Variants in WSCD1 observed in about 807,000 individuals in gnomAD.
WSCD1 encodes the protein sialate:O-sulfotransferase 1.
In WSCD1, 41 loss-of-function variants were observed where a neutral mutation model predicts 60.4. The ratio of observed to expected loss-of-function variants is 0.68; its 90% CI spans 0.53 to 0.88. The LOEUF (loss-of-function observed/expected upper bound fraction) is 0.88. WSCD1 is among the 40% of genes least tolerant of loss of function. The pLI, the probability that WSCD1 is intolerant of heterozygous loss-of-function variation, is 0.00. For missense variants in WSCD1, 784 were observed against 796.2 expected (o/e 0.98, Z 0.18); for synonymous variants, 361 against 332.5 (o/e 1.09, Z -0.93).
chr17:6,074,412 A>G (rs1908722713), intron 1 of WSCD1, among the ~76,000 whole-genome samples: 1 of 152,246 alleles, frequency 6.6e-6, no homozygotes, highest in South Asian at 2.1e-4. Context: ...AAGGATGTCC[A>G]GTCCAGCAGG....
In WSCD1 at chr17:6,097,982, G is replaced by A. The variant is rs185101074; in HGVS notation, c.849+2759G>A. ...TTTTTTTTTTTTGAGACAGTGTTCC[G>A]CTCTGATGCCCAGGTTGGAGTGCAG... On this transcript the variant is annotated intron_variant, in intron 5 of 8. Coordinates refer to ENST00000317744, the MANE Select transcript of WSCD1 (RefSeq NM_015253.2). Among the ~76,000 whole-genome samples the A allele has an allele frequency of 3.2e-3, 471 of 147,800 alleles. 2 individuals are homozygous for A. The highest frequency in any genetic ancestry group is 5.8e-3 in the Admixed American group (86 of 14,754).
At position 6,084,521 on chromosome 17, in the gene WSCD1, G is replaced by A. The variant is rs147321449; in HGVS notation, c.427+3436G>A. On this transcript the variant is annotated intron_variant, in intron 2 of 8. Transcript: ENST00000317744. ...CTCCTGAAAGGGGATCCTGTAAGGC[G>A]CGGAAGCTGCAGGAGGCTCCATCAA... Among the ~76,000 whole-genome samples the A allele has an allele frequency of 2.8e-3, 426 of 152,368 alleles. 1 individual carries two copies. Among genetic ancestry groups the A allele is most frequent in the Non-Finnish European group, 4.5e-3 (304 of 68,044 alleles).
rs759488788 is a variant in WSCD1 at position 6,109,735 on chromosome 17, A to C, written c.978A>C (p.Glu326Asp). The C allele has an allele frequency of 1.7e-5, 27 of 1,613,978 alleles. No homozygotes were observed. The highest frequency in any genetic ancestry group is 1.9e-5 in the Non-Finnish European group (23 of 1,179,986). ...GQDPEAQRLA[E>D]YCEVYQTPVQ... ...ACCCTGAGGCACAGAGGCTGGCAGA[A>C]TACTGTGAGGTCTACCAGACACCTG... The change falls in exon 6 of 9, where the codon GAA (glutamate) becomes GAC (aspartate). Residue 326 changes from glutamate to aspartate, a missense_variant. Transcript: ENST00000317744.
At chr17:6,088,685 C>G (rs1909817494) in intron 3 of WSCD1, among the ~76,000 whole-genome samples, 1 of 116,602 alleles carries the variant, frequency 8.6e-6, no homozygotes, top group Non-Finnish European at 1.9e-5. Flanking sequence ...GACTGTGTGT[C>G]TGTGTGTGCT....
rs930872643 is a variant in WSCD1 at position 6,094,589 on chromosome 17, GAGGAAGGAAGGA to G, written c.728-504_728-493del. On this transcript the variant is annotated intron_variant, in intron 4 of 8. Coordinates refer to ENST00000317744, the MANE Select transcript of WSCD1 (RefSeq NM_015253.2). ...GAAGGAAAAGGAAGGAGAAGGAAGGGAGGAAGGAAGGAAGGAAGGAGAAGGAAGGAAGGAAGG... is the reference window on the plus strand; with the variant it reads ...GAAGGAAAAGGAAGGAGAAGGAAGGGAGGAAGGAGAAGGAAGGAAGGAAGG... Among the ~76,000 whole-genome samples the G allele has an allele frequency of 5.3e-5, 7 of 131,712 alleles. No homozygotes were observed. The Admixed American group carries it at 5.6e-4, about 11-fold the overall frequency. The allele number at this position is 131,712 out of a possible 152,430, so 86.4% of individuals were successfully genotyped here.
chr17:6,088,140 G>T, intron 3 of WSCD1, 36 bp downstream of exon 3: 1 of 1,581,474 alleles, frequency 6.3e-7, no homozygotes, highest in Non-Finnish European at 8.7e-7. Context: ...GATTCTAGAG[G>T]CAGGAAGGTC....
In WSCD1 at chr17:6,081,095, C is replaced by A. The variant is rs958758098; in HGVS notation, c.427+10C>A. ...GCCATCCACAGCCGAGGTAGGCGCT[C>A]AGCTGCATTTGGGGGAGCTGTTCCC... On this transcript the variant is annotated intron_variant, in intron 2 of 8. Coordinates refer to ENST00000317744, the MANE Select transcript of WSCD1 (RefSeq NM_015253.2). The A allele has an allele frequency of 6.5e-7, 1 of 1,530,754 alleles. No individual in the cohort carries two copies. Among genetic ancestry groups the A allele is most frequent in the Non-Finnish European group, 8.8e-7 (1 of 1,141,226 alleles). The allele number at this position is 1,530,754 out of a possible 1,614,324, so 94.8% of individuals were successfully genotyped here. A position where few individuals can be genotyped will look rare whatever the true frequency, so the allele number is the denominator to read the frequency against.
At chr17:6,078,561 G>GGTGT (rs67928797) in intron 1 of WSCD1, among the ~76,000 whole-genome samples, 1 of 150,304 alleles carries the variant, frequency 6.7e-6, no homozygotes, top group Non-Finnish European at 1.5e-5. Flanking sequence ...GAATGTGGAG[G>GGTGT]GTGTGTGTGT....
intron 5 of WSCD1, among the ~76,000 whole-genome samples, chr17:6,096,562 G>A (rs1910446614): frequency 6.6e-6 from 1 of 152,226 alleles, no homozygotes; most frequent in Non-Finnish European, 1.5e-5. Context: ...CAGCATTTCC[G>A]AAGCCACAGC....
chr17:6,105,817 T>A (rs1199801788), intron 5 of WSCD1, among the ~76,000 whole-genome samples: 1 of 152,036 alleles, frequency 6.6e-6, no homozygotes, highest in African/African-American at 2.4e-5. Flanking sequence ...TGCTGGTGGA[T>A]TTTTTTTCCT....
At chr17:6,099,268 G>A (rs549203991) in intron 5 of WSCD1, among the ~76,000 whole-genome samples, 4 of 152,122 alleles carry the variant, frequency 2.6e-5, no homozygotes, top group Non-Finnish European at 5.9e-5. Flanking sequence ...TGTAATCCCT[G>A]CACTTTGGGA....
Position 6,090,406 on chromosome 17 carries a change from T to A in WSCD1, c.628T>A (p.Cys210Ser). ...LPAVSVGLEE[C>S]NHECKGEKGS... The stretch of plus-strand genomic sequence containing the variant: ...AGCGGTGAGCGTGGGGCTGGAAGAG[T>A]GTAACCATGAGTGCAAAGGCGAGAA... The change falls in exon 4 of 9, where the codon TGT (cysteine) becomes AGT (serine). Residue 210 changes from cysteine to serine, a missense_variant. Cys to Ser is a moderately radical substitution (Grantham distance 112, BLOSUM62 -1). Coordinates refer to ENST00000317744, the MANE Select transcript of WSCD1 (RefSeq NM_015253.2). 1 of 1,610,600 alleles carries A rather than the reference T, an allele frequency of 6.2e-7. No individual in the cohort carries two copies. Among genetic ancestry groups the A allele is most frequent in the East Asian group, 2.2e-5 (1 of 44,552 alleles).
At position 6,122,684 on chromosome 17, in the gene WSCD1, A is replaced by G. The variant is rs978170297; in HGVS notation, c.*2023A>G. 4.6e-5 allele frequency: 7 copies of G among 152,448 alleles called. No individual in the cohort carries two copies. Among genetic ancestry groups the G allele is most frequent in the African/African-American group, 1.7e-4 (7 of 41,418 alleles). The allele number at this position is 152,448 out of a possible 1,614,324, so 9.4% of individuals were successfully genotyped here. ...AAGTGTGGAGAGAGGAGTGACCGGGACTGGAGCCAGGGTCTGGGGAGAGCA... is the reference window on the plus strand; with the variant it reads ...AAGTGTGGAGAGAGGAGTGACCGGGGCTGGAGCCAGGGTCTGGGGAGAGCA... On this transcript the variant is annotated 3_prime_UTR_variant, in exon 9 of 9. Transcript: ENST00000317744.
In WSCD1 at chr17:6,072,754, C is replaced by A. The variant is rs575089664; in HGVS notation, c.-289+2102C>A. Among the ~76,000 whole-genome samples, 44 of 152,332 alleles carry A rather than the reference C, an allele frequency of 2.9e-4. No homozygotes were observed. In the South Asian group the frequency reaches 6.6e-3, roughly 23 times the overall value. On this transcript the variant is annotated intron_variant, in intron 1 of 8. Transcript: ENST00000317744. ...CTTCTCCCTGGGCCTCCTGGTCTGGCCTTCACATTCTTCCTTTAATCTCTC... is the reference window on the plus strand; with the variant it reads ...CTTCTCCCTGGGCCTCCTGGTCTGGACTTCACATTCTTCCTTTAATCTCTC...
Position 6,118,187 on chromosome 17 carries a change from A to C in WSCD1, c.1374A>C (p.Lys458Asn). The C allele has an allele frequency of 6.2e-7, 1 of 1,613,954 alleles. No individual in the cohort carries two copies. Among genetic ancestry groups the C allele is most frequent in the East Asian group, 2.2e-5 (1 of 44,868 alleles). The change falls in exon 8 of 9, where the codon AAA becomes AAC. Residue 458 changes from lysine (K) to asparagine (N), a missense_variant and splice_region_variant. Physicochemically the swap from Lys to Asn is moderately conservative, Grantham distance 94. Transcript: ENST00000317744. The surrounding 1 kb of genome is among the most constrained non-coding windows in gnomAD (Gnocchi z 5.8). ...CAGCTGACCGCAACTGGAAGAGCAA[A>C]GGTAATCAAGGACCTTGCGGTGGGG... ...GYAADRNWKS[K>N]EWPDFVNSYA...
chr17:6,079,438 T>G (rs934348347), intron 1 of WSCD1, among the ~76,000 whole-genome samples: 3 of 152,134 alleles, frequency 2.0e-5, no homozygotes, highest in African/African-American at 7.2e-5. Context: ...GTGCCGCCAA[T>G]GAGAACCGAA....
At chr17:6,074,155 C>T (rs1597347820) in intron 1 of WSCD1, among the ~76,000 whole-genome samples, 1 of 152,248 alleles carries the variant, frequency 6.6e-6, no homozygotes, top group South Asian at 2.1e-4. Flanking sequence ...GGAGTTTTGA[C>T]CTATTATGTT....
chr17:6,086,928 T>C (rs1015516076), intron 2 of WSCD1, among the ~76,000 whole-genome samples: 1 of 152,202 alleles, frequency 6.6e-6, no homozygotes, highest in African/African-American at 2.4e-5. Context: ...CTGGGCATGT[T>C]ACTTCCCAGA....
At chr17:6,074,031 G>T (rs905345056) in intron 1 of WSCD1, among the ~76,000 whole-genome samples, 3 of 152,190 alleles carry the variant, frequency 2.0e-5, no homozygotes, top group African/African-American at 7.2e-5. Context: ...TTCATCCAAT[G>T]CACTTGACAG....
Sources: gnomAD v4.1 joint callset for allele counts (sites outside exome capture counted in the v4.1 genomes callset) on GRCh38, gnomAD v4.1.1 for gene constraint, Gnocchi (gnomAD v3.1) non-coding constraint, MANE v1.5 for transcripts, NCBI Gene and HGNC (gene_info 2026-07-23, HGNC 2026-07-21) for gene names.